The following TNNI3K variants were observed in gnomAD, a reference collection of about 807,000 sequenced individuals.
TNNI3K encodes serine/threonine-protein kinase TNNI3K.
A neutral mutation model predicts 114.5 loss-of-function variants in TNNI3K; 140 were observed. The ratio of observed to expected loss-of-function variants is 1.22; its 90% CI spans 1.07 to 1.41. The LOEUF (loss-of-function observed/expected upper bound fraction) is 1.41. Ranked by LOEUF, TNNI3K falls within the 40% of genes most tolerant of loss-of-function variation. The pLI, the probability that TNNI3K is intolerant of heterozygous loss-of-function variation, is 0.00. For synonymous variants in TNNI3K, 347 were observed against 347.5 expected, an observed-to-expected ratio of 1.00 and a Z score of 0.02; for missense variants, 1,125 against 1,007.6, an observed-to-expected ratio of 1.12 and a Z score of -1.58.
At chr1:74,442,170 T>C (rs1219372824) in intron 20 of TNNI3K, among the ~76,000 whole-genome samples, 1 of 152,038 alleles carries the variant, frequency 6.6e-6, no homozygotes, top group Non-Finnish European at 1.5e-5. Context: ...GGTTTATTCC[T>C]TTGTTTTTTT....
intron 17 of TNNI3K, among the ~76,000 whole-genome samples, chr1:74,387,686 A>G (rs898086504): frequency 6.6e-6 from 1 of 152,250 alleles, no homozygotes; most frequent in Non-Finnish European, 1.5e-5. Flanking sequence ...TAGCAGAAAG[A>G]CTGTGCACTT....
rs61729318 is a variant in TNNI3K, at chr1:74,480,596, G to C, written c.2122-8593G>C. On this transcript the variant is annotated intron_variant, in intron 21 of 24. Coordinates refer to ENST00000326637, the MANE Select transcript of TNNI3K (RefSeq NM_015978.3). ...CAGATACCTGAGACTGTGGAGATTC[G>C]TGCCTCCGAAAGAACTGTCTGTGAG... The C allele has an allele frequency of 2.1e-5, 15 of 717,218 alleles. No homozygotes were observed. The South Asian group carries it at 2.2e-4, about 11-fold the overall frequency. 44.4% of individuals were successfully genotyped at this position (717,218 alleles called of 1,614,324 possible).
intron 5 of TNNI3K, among the ~76,000 whole-genome samples, chr1:74,319,083 C>G (rs983236364): frequency 2.0e-5 from 3 of 152,204 alleles, no homozygotes; most frequent in African/African-American, 7.2e-5. Context: ...GCTGGATCCC[C>G]TGGCTTAGGG....
At chr1:74,532,462 C>CT (rs66772911) in intron 23 of TNNI3K, among the ~76,000 whole-genome samples, 1 of 151,212 alleles carries the variant, frequency 6.6e-6, no homozygotes, top group Non-Finnish European at 1.5e-5. Flanking sequence ...TTATTTTTTT[C>CT]TTTTTTTTCT....
intron 5 of TNNI3K, among the ~76,000 whole-genome samples, chr1:74,322,630 T>C (rs1659682490): frequency 6.6e-6 from 1 of 151,970 alleles, no homozygotes; most frequent in African/African-American, 2.4e-5. Context: ...CCAGCTAATT[T>C]TTTGTATTTT....
At chr1:74,251,717 C>G (rs901689245) in intron 4 of TNNI3K, among the ~76,000 whole-genome samples, 3 of 152,176 alleles carry the variant, frequency 2.0e-5, no homozygotes, top group Non-Finnish European at 4.4e-5. Flanking sequence ...TAGGAACCCC[C>G]TGCACTATCT....
intron 23 of TNNI3K, among the ~76,000 whole-genome samples, chr1:74,499,490 G>T (rs1669499099): frequency 6.6e-6 from 1 of 151,994 alleles, no homozygotes; most frequent in Non-Finnish European, 1.5e-5. Flanking sequence ...ATTAATTATT[G>T]TCAATCTCTC....
intron 17 of TNNI3K, chr1:74,416,381 T>A (rs532360035): frequency 1.2e-5 from 12 of 979,188 alleles, no homozygotes; most frequent in Middle Eastern, 5.3e-4. Context: ...AAGAAGGAGC[T>A]GTGGAACTAG....
intron 5 of TNNI3K, among the ~76,000 whole-genome samples, chr1:74,322,026 C>CA (rs1380643860): frequency 4.6e-5 from 7 of 151,994 alleles, no homozygotes; most frequent in African/African-American, 1.7e-4. Flanking sequence ...AGCATAGAGT[C>CA]AAAAAAGGGC....
At chr1:74,267,441 A>G (rs565722794) in intron 4 of TNNI3K, among the ~76,000 whole-genome samples, 1 of 151,952 alleles carries the variant, frequency 6.6e-6, no homozygotes, top group East Asian at 1.9e-4. Flanking sequence ...TTGGAGTCCA[A>G]CAGACCTGGG....
At chr1:74,419,674 A>G (rs944036739) in intron 17 of TNNI3K, among the ~76,000 whole-genome samples, 17 of 152,148 alleles carry the variant, frequency 1.1e-4, no homozygotes, top group African/African-American at 3.9e-4. Context: ...GATATTCAGC[A>G]TATATATGAA....
At chr1:74,349,044 G>C (rs1205081599) in intron 9 of TNNI3K, among the ~76,000 whole-genome samples, 1 of 152,162 alleles carries the variant, frequency 6.6e-6, no homozygotes, top group Non-Finnish European at 1.5e-5. Context: ...TTGAATAGGA[G>C]TGGTGAGAGA....
chr1:74,451,649 TC>T (rs1334147750), intron 20 of TNNI3K, among the ~76,000 whole-genome samples: 6 of 131,892 alleles, frequency 4.5e-5, no homozygotes, highest in African/African-American at 1.7e-4. Flanking sequence ...TTTCTTTCTT[TC>T]CTTTCTTTTT....
chr1:74,439,751 T>C, intron 20 of TNNI3K, 129 bp downstream of exon 20: 3 of 1,416,104 alleles, frequency 2.1e-6, no homozygotes, highest in Non-Finnish European at 2.8e-6. Context: ...AAGCAAACAA[T>C]CTTAAATTGT....
chr1:74,491,515 C>T (rs891252799), intron 22 of TNNI3K, among the ~76,000 whole-genome samples: 1 of 152,190 alleles, frequency 6.6e-6, no homozygotes, highest in Non-Finnish European at 1.5e-5. Flanking sequence ...GCTGGGATTA[C>T]AGGTGTGAGC....
chr1:74,480,698 C>T (rs562229075), intron 21 of TNNI3K: 60 of 717,368 alleles, frequency 8.4e-5, no homozygotes, highest in Middle Eastern at 6.9e-4. Flanking sequence ...TCGTAGGGTG[C>T]GGAGAGCATT....
chr1:74,242,646 A>G (rs1337925708), intron 2 of TNNI3K, among the ~76,000 whole-genome samples: 2 of 152,224 alleles, frequency 1.3e-5, no homozygotes, highest in African/African-American at 2.4e-5. Flanking sequence ...TGTTTTGCCA[A>G]TTAGCCACAA....
chr1:74,338,461 C>A (rs1358077672), intron 7 of TNNI3K, among the ~76,000 whole-genome samples: 9 of 151,726 alleles, frequency 5.9e-5, no homozygotes, highest in Admixed American at 5.9e-4. Context: ...CTCAGAGTTG[C>A]GTCTTGCCAT....
chr1:74,523,222 G>A (rs1646458351), intron 23 of TNNI3K, among the ~76,000 whole-genome samples: 1 of 152,256 alleles, frequency 6.6e-6, no homozygotes, highest in South Asian at 2.1e-4. Context: ...ATAAGGAATT[G>A]TATGTGAAAT....
Sources: gnomAD v4.1 joint callset for allele counts (sites outside exome capture counted in the v4.1 genomes callset) on GRCh38, gnomAD v4.1.1 for gene constraint, MANE v1.5 for transcripts, NCBI Gene and HGNC (gene_info 2026-07-23, HGNC 2026-07-21) for gene names.